The following USP6NL variants were observed in gnomAD, a reference collection of about 807,000 sequenced individuals.
The protein encoded by USP6NL is USP6 N-terminal like.
A neutral mutation model predicts 61.9 loss-of-function variants in USP6NL; 26 were observed. The observed-to-expected ratio is 0.42, with a 90% CI of 0.31 to 0.58. The LOEUF is 0.58. USP6NL is among the 20% of genes least tolerant of loss of function. The pLI is 0.16. For synonymous variants in USP6NL, 432 were observed against 390.1 expected (o/e 1.11, Z -1.27); for missense variants, 1,114 against 1,034.3 (o/e 1.08, Z -1.06).
At chr10:11,573,092 T>C (rs1250226070) in intron 2 of USP6NL, among the ~76,000 whole-genome samples, 1 of 152,100 alleles carries the variant, frequency 6.6e-6, no homozygotes, top group Non-Finnish European at 1.5e-5. Context: ...ACAGAATTAT[T>C]CACTAAAAAA....
At chr10:11,517,018 G>A (rs569216711) in intron 5 of USP6NL, among the ~76,000 whole-genome samples, 2 of 152,262 alleles carry the variant, frequency 1.3e-5, no homozygotes, top group Admixed American at 1.3e-4. Context: ...AAAGGGGGAG[G>A]GGAATGTTGG....
rs568096328 is a variant in USP6NL, at chr10:11,479,169, T to G, written c.1078+2601A>C. Among the ~76,000 whole-genome samples, 20 of 152,252 alleles carry G rather than the reference T, an allele frequency of 1.3e-4. No homozygotes were observed. The South Asian group carries it at 3.1e-3, about 24-fold the overall frequency. On this transcript the variant is annotated intron_variant, in intron 14 of 14. Transcript: ENST00000609104. The stretch of plus-strand genomic sequence containing the variant: ...ATATGGGTACTTAAGAAAAAACACT[T>G]CATCCAGCATGTGGAAAATTCTTTA...
Position 11,493,105 on chromosome 10 carries a change from T to C in USP6NL, c.494+14A>G. On this transcript the variant is annotated intron_variant, in intron 8 of 14. Coordinates refer to ENST00000609104, the MANE Select transcript of USP6NL (RefSeq NM_014688.5). Reference sequence around the variant, plus strand: ...AAATGCGATTAACATTTCATAATATTAAACTTTACTCACTTAACACCATAT... The same window carrying C: ...AAATGCGATTAACATTTCATAATATCAAACTTTACTCACTTAACACCATAT... 6.3e-7 allele frequency: 1 copy of C among 1,576,636 alleles called. No homozygotes were observed. Among genetic ancestry groups the C allele is most frequent in the Non-Finnish European group, 8.6e-7 (1 of 1,156,322 alleles).
intron 2 of USP6NL, chr10:11,564,037 C>T (rs1837034136): frequency 6.6e-6 from 1 of 152,170 alleles, no homozygotes; most frequent in African/African-American, 2.4e-5. Context: ...CAAAGCACAG[C>T]ATGTATATTT....
rs958730002 is a variant in USP6NL at position 11,575,396 on chromosome 10, GAGA to G, written c.4+22232_4+22234del. On this transcript the variant is annotated intron_variant, in intron 2 of 14. Coordinates refer to ENST00000609104, the MANE Select transcript of USP6NL (RefSeq NM_014688.5). The surrounding 1 kb of genome is among the most constrained non-coding windows in gnomAD (Gnocchi z 4.2). ...GAGAAATTACTTCCTCTCTTCTGGA[GAGA>G]AGATCTTTGGAAGGTACTGTTTTGA... is the stretch of plus-strand genomic sequence containing the variant. Among the ~76,000 whole-genome samples the G allele has an allele frequency of 1.3e-5, 2 of 152,202 alleles. No homozygotes were observed. The highest frequency in any genetic ancestry group is 2.9e-5 in the Non-Finnish European group (2 of 68,038).
intron 14 of USP6NL, among the ~76,000 whole-genome samples, chr10:11,471,036 T>C (rs1231017197): frequency 6.6e-6 from 1 of 151,924 alleles, no homozygotes. Flanking sequence ...ACACAAAAAA[T>C]TAGCTGGGCG....
In USP6NL at chr10:11,509,632, AT is replaced by A; in HGVS notation, c.238del (p.Met80CysfsTer2). 1.3e-6 allele frequency: 2 copies of A among 1,567,498 alleles called. No individual in the cohort carries two copies. Among genetic ancestry groups the A allele is most frequent in the Admixed American group, 1.9e-5 (1 of 52,680 alleles). ...CTTGTATTTTTCCCATCCTTTCAGC[AT>A]TTTCAGCCATTTGGTAGTTCTTTCA... ...EIERTTKWLKMLKGWEKYKNT... is the reference protein window; with the variant it reads ...EIERTTKWLKXLKGWEKYKNT... On this transcript the variant is annotated frameshift_variant, in exon 6 of 15. Transcript: ENST00000609104. LOFTEE classifies it high-confidence loss of function.
At position 11,540,629 on chromosome 10, in the gene USP6NL, G is replaced by A. The variant is rs1400158605; in HGVS notation, c.5-13062C>T. The stretch of plus-strand genomic sequence containing the variant: ...AATTACAGCAAATTCTTGCAGACCA[G>A]ATATAAGAAGATAATTCATAGACTG... On this transcript the variant is annotated intron_variant, in intron 2 of 14. Coordinates refer to ENST00000609104, the MANE Select transcript of USP6NL (RefSeq NM_014688.5). This position sits in a 1 kb window ranked among gnomAD's most constrained non-coding sequence, Gnocchi z 5.0. 6.6e-6 allele frequency among the ~76,000 whole-genome samples: 1 copy of A among 152,146 alleles called. No homozygotes were observed. Among genetic ancestry groups the A allele is most frequent in the Non-Finnish European group, 1.5e-5 (1 of 68,006 alleles).
At chr10:11,479,147 T>C (rs1833085759) in intron 14 of USP6NL, among the ~76,000 whole-genome samples, 2 of 152,146 alleles carry the variant, frequency 1.3e-5, no homozygotes, top group Admixed American at 6.5e-5. Flanking sequence ...AAGAGAAATA[T>C]GGGTACTTAA....
At chr10:11,593,214 T>C (rs1274280853) in intron 2 of USP6NL, among the ~76,000 whole-genome samples, 1 of 152,218 alleles carries the variant, frequency 6.6e-6, no homozygotes, top group Non-Finnish European at 1.5e-5. Flanking sequence ...ATACAGAACA[T>C]TAAAATTTTA....
intron 2 of USP6NL, among the ~76,000 whole-genome samples, chr10:11,576,823 G>A (rs1485815742): frequency 1.3e-5 from 2 of 152,062 alleles, no homozygotes; most frequent in Admixed American, 1.3e-4. Context: ...AAATGTCCTA[G>A]CTACTTTTGG....
chr10:11,556,085 C>G (rs192257335), intron 2 of USP6NL, among the ~76,000 whole-genome samples: 92 of 152,238 alleles, frequency 6.0e-4, no homozygotes, highest in African/African-American at 2.2e-3. Flanking sequence ...AGCATAAATA[C>G]ATGGATACTA....
At chr10:11,566,766 T>C (rs1216870143) in intron 2 of USP6NL, among the ~76,000 whole-genome samples, 5 of 152,236 alleles carry the variant, frequency 3.3e-5, no homozygotes, top group African/African-American at 7.2e-5. Context: ...GTTCAGACCA[T>C]ATTCTTAATT....
intron 8 of USP6NL, among the ~76,000 whole-genome samples, chr10:11,492,298 AAAC>A (rs1833737625): frequency 6.6e-6 from 1 of 152,246 alleles, no homozygotes; most frequent in African/African-American, 2.4e-5. Flanking sequence ...CAACTTGGCT[AAAC>A]AACAATCCCC....
In USP6NL at chr10:11,525,272, G is replaced by A. The variant is rs10508424; in HGVS notation, c.155+114C>T. ...GGAATTTAGTATCAAAACGCATATT[G>A]TAAGACTATTCCTTATTCACAGCAA... is the stretch of plus-strand genomic sequence containing the variant. On this transcript the variant is annotated intron_variant, in intron 4 of 14. Coordinates refer to ENST00000609104, the MANE Select transcript of USP6NL (RefSeq NM_014688.5). The surrounding 1 kb of genome is among the most constrained non-coding windows in gnomAD (Gnocchi z 5.0). 0.087 allele frequency: 70,124 copies of A among 803,958 alleles called. 6,054 individuals are homozygous for A. The highest frequency in any genetic ancestry group is 0.47 in the East Asian group (14,514 of 31,104). 49.8% of individuals were successfully genotyped at this position (803,958 alleles called of 1,614,324 possible). A position where few individuals can be genotyped will look rare whatever the true frequency, so the allele number is the denominator to read the frequency against.
intron 2 of USP6NL, among the ~76,000 whole-genome samples, chr10:11,570,779 C>T (rs1837327781): frequency 6.6e-6 from 1 of 152,184 alleles, no homozygotes; most frequent in Non-Finnish European, 1.5e-5. Context: ...GGTGTCTCAC[C>T]TTGCCAATCT....
intron 2 of USP6NL, chr10:11,573,857 A>G (rs1837446827): frequency 2.6e-6 from 1 of 389,048 alleles, no homozygotes; most frequent in African/African-American, 2.1e-5. Flanking sequence ...GAAACAACGA[A>G]AGGATAGGCT....
intron 2 of USP6NL, among the ~76,000 whole-genome samples, chr10:11,555,549 A>AAGGAAATG (rs1836680721): frequency 6.6e-6 from 1 of 150,764 alleles, no homozygotes; most frequent in Admixed American, 6.6e-5. Context: ...TATGAGACAC[A>AAGGAAATG]AGGAAATGGT....
chr10:11,464,026 AAAGT>A (rs1832327933), intron 14 of USP6NL, among the ~76,000 whole-genome samples, 177 bp from the exon 15 acceptor site: 1 of 152,234 alleles, frequency 6.6e-6, no homozygotes, highest in Admixed American at 6.5e-5. Context: ...TATACCACAG[AAAGT>A]TGGTAGCTGA....
Sources: gnomAD v4.1 joint callset for allele counts (sites outside exome capture counted in the v4.1 genomes callset) on GRCh38, gnomAD v4.1.1 for gene constraint, Gnocchi (gnomAD v3.1) non-coding constraint, MANE v1.5 for transcripts, NCBI Gene and HGNC (gene_info 2026-07-23, HGNC 2026-07-21) for gene names.